The following HS1BP3 variants were observed in gnomAD, a reference collection of about 807,000 sequenced individuals.
HS1BP3 encodes the protein HCLS1-binding protein 3.
A neutral mutation model predicts 33.5 loss-of-function variants in HS1BP3; 32 were observed. The observed-to-expected ratio is 0.95, with a 90% CI of 0.72 to 1.28. The LOEUF (loss-of-function observed/expected upper bound fraction) is 1.28. Among genes scored for constraint, HS1BP3 ranks in the 50% most tolerant of loss-of-function variants. HS1BP3 has a pLI of 0.00. For missense variants in HS1BP3, 486 were observed against 502.3 expected (o/e 0.97, Z 0.31); for synonymous variants, 187 against 209.2 (o/e 0.89, Z 0.92).
In HS1BP3 at chr2:20,638,523, T is replaced by A; in HGVS notation, c.536A>T (p.Glu179Val). Residue 179 changes from glutamate (E) to valine (V), a missense_variant, in exon 4 of 7, where the codon GAG becomes GTG. By Grantham distance (121) the Glu-to-Val change is moderately radical. Coordinates refer to ENST00000304031, the MANE Select transcript of HS1BP3 (RefSeq NM_022460.4). Reference sequence around the variant, plus strand: ...CTTCAGGCTCTGGACGGGCGGACCCTCTTCTGCCACTTGGTCTTGCTCCTC... The same window carrying A: ...CTTCAGGCTCTGGACGGGCGGACCCACTTCTGCCACTTGGTCTTGCTCCTC... ...FFEEQDQVAE[E>V]GPPVQSLKGE... 1.2e-6 allele frequency: 2 copies of A among 1,614,220 alleles called. No homozygotes were observed. The highest frequency in any genetic ancestry group is 1.7e-6 in the Non-Finnish European group (2 of 1,180,024).
intron 5 of HS1BP3, among the ~76,000 whole-genome samples, chr2:20,571,399 G>C (rs1188784952): frequency 6.6e-6 from 1 of 152,172 alleles, no homozygotes; most frequent in Non-Finnish European, 1.5e-5. Flanking sequence ...CTTGGAGCCA[G>C]AGGCCTGTGA....
chr2:20,622,424 A>G, intron 6 of HS1BP3: 3 of 835,078 alleles, frequency 3.6e-6, no homozygotes, highest in Non-Finnish European at 5.2e-6. Flanking sequence ...GGACTCCCCA[A>G]GCGCTCTGCG....
At chr2:20,649,379 C>A (rs947871533) in intron 1 of HS1BP3, among the ~76,000 whole-genome samples, 3 of 152,208 alleles carry the variant, frequency 2.0e-5, no homozygotes, top group Admixed American at 6.5e-5. Context: ...TCTGTCCAGG[C>A]GCCACTCCAT....
rs548018283 is a variant in HS1BP3, at chr2:20,618,865, C to G, written c.*122G>C. On this transcript the variant is annotated 3_prime_UTR_variant, in exon 7 of 7. Transcript: ENST00000304031. The stretch of plus-strand genomic sequence containing the variant: ...CCATGCAGTTCTGGGTGCTGTGACC[C>G]AGGCTTCTGCCTGGCCTCCCCTGGG... 1 of 1,448,704 alleles carries G rather than the reference C, an allele frequency of 6.9e-7. No individual in the cohort carries two copies. The highest frequency in any genetic ancestry group is 1.4e-5 in the African/African-American group (1 of 70,054). 89.7% of individuals were successfully genotyped at this position (1,448,704 alleles called of 1,614,324 possible). A position where few individuals can be genotyped will look rare whatever the true frequency, so the allele number is the denominator to read the frequency against.
downstream of HS1BP3, among the ~76,000 whole-genome samples, chr2:20,558,001 C>T (rs986274318): frequency 2.6e-5 from 4 of 152,224 alleles, no homozygotes; most frequent in Non-Finnish European, 5.9e-5. Context: ...GGCTGCCCCT[C>T]GAAAGAGCAC....
chr2:20,567,827 C>G (rs1558316520), intron 5 of HS1BP3, among the ~76,000 whole-genome samples: 1 of 152,240 alleles, frequency 6.6e-6, no homozygotes, highest in Non-Finnish European at 1.5e-5. Flanking sequence ...GCCAGTGGAA[C>G]CTGACCCCAA....
rs749224959 is a variant in HS1BP3, at chr2:20,611,225, C to CT, written c.178+12670dup. Among the ~76,000 whole-genome samples, 2 of 152,116 alleles carry CT rather than the reference C, an allele frequency of 1.3e-5. No individual in the cohort carries two copies. Among genetic ancestry groups the CT allele is most frequent in the Non-Finnish European group, 2.9e-5 (2 of 68,026 alleles). ...GTTTGATGGATATTTGGGTTGTTTC[C>CT]TTTGGGGGAGGAACCCTTATGAATA... is the stretch of plus-strand genomic sequence containing the variant. On this transcript the variant is annotated intron_variant, in intron 2 of 3. Transcript: ENST00000415264. The surrounding 1 kb of genome is among the most constrained non-coding windows in gnomAD (Gnocchi z 4.9).
intron 2 of HS1BP3, chr2:20,598,295 G>C: frequency 2.6e-6 from 1 of 387,070 alleles, no homozygotes; most frequent in Non-Finnish European, 5.4e-6. Context: ...GTGATAGATC[G>C]TCAGGCATTA....
chr2:20,641,033 GGATCTCATTGA>G lies in HS1BP3; in HGVS notation c.335_345del (p.Phe112SerfsTer48). 6.2e-7 allele frequency: 1 copy of G among 1,614,190 alleles called. No homozygotes were observed. Among genetic ancestry groups the G allele is most frequent in the Admixed American group, 1.7e-5 (1 of 60,034 alleles). ...TCGGCATCCTTGGAGACACAGCGCA[GGATCTCATTGA>G]ACACGGCTCTCCTCTCCCGGATGTC... On this transcript the variant is annotated frameshift_variant, in exon 3 of 7. Transcript: ENST00000304031. LOFTEE classifies it high-confidence loss of function.
In HS1BP3 at chr2:20,618,741, C is replaced by T. The variant is rs561681800; in HGVS notation, c.*246G>A. 2.1e-5 allele frequency: 28 copies of T among 1,304,306 alleles called. No homozygotes were observed. Among genetic ancestry groups the T allele is most frequent in the South Asian group, 9.7e-5 (4 of 41,138 alleles). 80.8% of individuals were successfully genotyped at this position (1,304,306 alleles called of 1,614,324 possible). On this transcript the variant is annotated 3_prime_UTR_variant, in exon 7 of 7. Coordinates refer to ENST00000304031, the MANE Select transcript of HS1BP3 (RefSeq NM_022460.4). ...ACACCCTCCCTCCCCTTCATGTCCA[C>T]GGGGAATAAGACACATTGGGCTCTG...
chr2:20,638,365 G>T, intron 4 of HS1BP3, 71 bp downstream of exon 4: 1 of 1,445,480 alleles, frequency 6.9e-7, no homozygotes, highest in Non-Finnish European at 9.5e-7. Flanking sequence ...TCAGATTCCA[G>T]GGAAGGGGGA....
chr2:20,638,095 C>A, intron 4 of HS1BP3: 1 of 470,372 alleles, frequency 2.1e-6, no homozygotes, highest in Non-Finnish European at 3.7e-6. Flanking sequence ...CTGGAAGGAG[C>A]ACCCAGTCCT....
Position 20,647,105 on chromosome 2 carries a change from G to A in HS1BP3, c.33-1600C>T, listed in dbSNP as rs74406112. Among the ~76,000 whole-genome samples, 591 of 152,244 alleles carry A rather than the reference G, an allele frequency of 3.9e-3. 2 individuals are homozygous for A. Among genetic ancestry groups the A allele is most frequent in the African/African-American group, 0.014 (575 of 41,528 alleles). The stretch of plus-strand genomic sequence containing the variant: ...ACAAGAAGGGCAGTGCCTGAGCTGC[G>A]GGGAGGTCCTCTCAGGGGTGGGAAA... On this transcript the variant is annotated intron_variant, in intron 1 of 6. Transcript: ENST00000304031.
intron 5 of HS1BP3, among the ~76,000 whole-genome samples, chr2:20,565,296 G>A (rs12329142): frequency 0.037 from 5,619 of 152,194 alleles, 350 homozygotes; most frequent in African/African-American, 0.13. Context: ...CCCCCGTGTC[G>A]CCCACAGCCT....
intron 4 of HS1BP3, chr2:20,636,404 A>T (rs1480652230): frequency 6.6e-6 from 1 of 152,306 alleles, no homozygotes; most frequent in Non-Finnish European, 1.5e-5. Context: ...TCCCAGGCTG[A>T]TAAAGACTGG....
downstream of HS1BP3, among the ~76,000 whole-genome samples, chr2:20,590,237 GACTTGAGCCGAATTCTCATTCCC>G (rs1693779927): frequency 6.6e-6 from 1 of 152,184 alleles, no homozygotes; most frequent in Admixed American, 6.5e-5. Flanking sequence ...CACGGCTCCA[GACTTGAGCCGAATTCTCATTCCC>G]CATATCTTCC....
intron 3 of HS1BP3, among the ~76,000 whole-genome samples, chr2:20,593,346 T>G (rs189573221): frequency 1.1e-4 from 17 of 152,284 alleles, no homozygotes; most frequent in African/African-American, 3.1e-4. Context: ...TTGTTCATTG[T>G]CTCCCCTCCC....
At chr2:20,557,826 A>G (rs1234851479), downstream of HS1BP3, among the ~76,000 whole-genome samples, 2 of 152,212 alleles carry the variant, frequency 1.3e-5, no homozygotes, top group Non-Finnish European at 2.9e-5. Context: ...CCAGGTGCCA[A>G]GATGGTGTGG....
intron 5 of HS1BP3, among the ~76,000 whole-genome samples, chr2:20,565,223 G>A (rs1053579919): frequency 2.6e-5 from 4 of 152,300 alleles, no homozygotes; most frequent in African/African-American, 9.6e-5. Context: ...CTGTGTATAG[G>A]GGATAAAATG....
Sources: allele counts gnomAD v4.1 joint callset (sites outside exome capture counted in the v4.1 genomes callset), GRCh38; gene constraint gnomAD v4.1.1; non-coding constraint Gnocchi (gnomAD v3.1); transcripts MANE v1.5; gene names NCBI Gene and HGNC (gene_info 2026-07-23, HGNC 2026-07-21).